The following GHR variants were observed in gnomAD, a reference collection of about 807,000 sequenced individuals.
GHR encodes GH receptor.
Under a neutral mutation model 67.1 loss-of-function variants are expected in GHR, and 35 were observed. The ratio of observed to expected loss-of-function variants is 0.52; its 90% confidence interval spans 0.40 to 0.69. GHR has a LOEUF of 0.69. Among genes scored for constraint, GHR ranks in the 30% least tolerant of loss-of-function variants. The pLI, the probability that GHR is intolerant of heterozygous loss-of-function variation, is 0.00. For missense variants in GHR, 792 were observed against 764.6 expected, an observed-to-expected ratio of 1.04 and a Z score of -0.42; for synonymous variants, 272 against 269.1, an observed-to-expected ratio of 1.01 and a Z score of -0.10.
At chr5:42,486,291 T>C (rs973385239) in intron 1 of GHR, among the ~76,000 whole-genome samples, 1 of 152,224 alleles carries the variant, frequency 6.6e-6, no homozygotes, top group Non-Finnish European at 1.5e-5. Flanking sequence ...CGAGCTTTTA[T>C]CCCATCTCAT....
intron 2 of GHR, among the ~76,000 whole-genome samples, chr5:42,577,408 T>C (rs1228188588): frequency 6.6e-6 from 1 of 152,196 alleles, no homozygotes; most frequent in African/African-American, 2.4e-5. Flanking sequence ...CTCCATTATA[T>C]CTACTTAGGA....
At chr5:42,567,616 T>G (rs1426454669) in intron 2 of GHR, among the ~76,000 whole-genome samples, 1 of 152,202 alleles carries the variant, frequency 6.6e-6, no homozygotes, top group African/African-American at 2.4e-5. Flanking sequence ...TTTTTTGTCT[T>G]ATTGAACTAA....
intron 2 of GHR, among the ~76,000 whole-genome samples, chr5:42,603,194 G>C (rs1421686289): frequency 6.6e-6 from 1 of 151,964 alleles, no homozygotes; most frequent in Middle Eastern, 3.4e-3. Context: ...CTCCCTTCAG[G>C]CCTGCAAGGT....
chr5:42,425,384 T>C (rs1047392134), intron 1 of GHR, among the ~76,000 whole-genome samples: 4 of 152,188 alleles, frequency 2.6e-5, no homozygotes, highest in African/African-American at 9.6e-5. Context: ...ACATGGGATA[T>C]TGTGGCAGGT....
intron 1 of GHR, among the ~76,000 whole-genome samples, chr5:42,480,766 T>C (rs966639804): frequency 6.6e-6 from 1 of 152,210 alleles, no homozygotes; most frequent in Non-Finnish European, 1.5e-5. Flanking sequence ...CCCTTTATTT[T>C]GAGCCTATGT....
At chr5:42,479,928 G>T (rs1486237634) in intron 1 of GHR, among the ~76,000 whole-genome samples, 1 of 151,838 alleles carries the variant, frequency 6.6e-6, no homozygotes, top group Non-Finnish European at 1.5e-5. Context: ...CCTTCTGCTA[G>T]CTTTTGAATA....
At chr5:42,470,317 G>A (rs1039163797) in intron 1 of GHR, among the ~76,000 whole-genome samples, 7 of 147,124 alleles carry the variant, frequency 4.8e-5, no homozygotes, top group African/African-American at 1.3e-4. Context: ...ACACACACAC[G>A]CACATATATA....
chr5:42,578,355 C>T (rs1371558471), intron 2 of GHR, among the ~76,000 whole-genome samples: 2 of 152,152 alleles, frequency 1.3e-5, no homozygotes, highest in African/African-American at 4.8e-5. Context: ...AAAACTAATA[C>T]ATATAGTTAC....
At chr5:42,686,408 A>G (rs1757146180) in intron 3 of GHR, among the ~76,000 whole-genome samples, 1 of 152,202 alleles carries the variant, frequency 6.6e-6, no homozygotes, top group Non-Finnish European at 1.5e-5. Context: ...TCCCTGATGA[A>G]CACTGATGCA....
chr5:42,551,785 T>C (rs1003437734), intron 1 of GHR, among the ~76,000 whole-genome samples: 6 of 152,206 alleles, frequency 3.9e-5, no homozygotes, highest in South Asian at 2.1e-4. Context: ...TTTGGTTCTT[T>C]AGCATTTTGA....
At chr5:42,699,632 A>G (rs953801304) in intron 5 of GHR, among the ~76,000 whole-genome samples, 192 bp from the exon 6 acceptor site, 9 of 152,154 alleles carry the variant, frequency 5.9e-5, no homozygotes, top group African/African-American at 2.2e-4. Flanking sequence ...GAAGTTAAAA[A>G]CAAGTCATCC....
chr5:42,456,611 A>G (rs369282683), intron 1 of GHR, among the ~76,000 whole-genome samples: 1 of 152,246 alleles, frequency 6.6e-6, no homozygotes, highest in African/African-American at 2.4e-5. Flanking sequence ...AAATTAAACA[A>G]AGTAAACGAG....
At chr5:42,523,522 T>C (rs572536634) in intron 1 of GHR, among the ~76,000 whole-genome samples, 27 of 152,278 alleles carry the variant, frequency 1.8e-4, no homozygotes, top group African/African-American at 6.5e-4. Context: ...TATTATTATG[T>C]TGTTTTGGCA....
intron 2 of GHR, among the ~76,000 whole-genome samples, chr5:42,602,581 T>A (rs1039172159): frequency 2.0e-5 from 3 of 152,218 alleles, no homozygotes; most frequent in Non-Finnish European, 2.9e-5. Context: ...TGTTTATAAT[T>A]CTTTTTTCTC....
In GHR at chr5:42,663,946, C is replaced by A. The variant is rs1161331277; in HGVS notation, c.137-24944C>A. 2.1e-4 allele frequency among the ~76,000 whole-genome samples: 32 copies of A among 152,188 alleles called. 1 individual carries two copies. In the East Asian group the frequency reaches 6.2e-3, roughly 29 times the overall value. On this transcript the variant is annotated intron_variant, in intron 3 of 9. Coordinates refer to ENST00000230882, the MANE Select transcript of GHR (RefSeq NM_000163.5). ...AAAAATCACAAGCATTCTTATACAC[C>A]AATAACAGACAAACAGAGCCAAATC...
chr5:42,562,462 G>A (rs985698206), intron 1 of GHR, among the ~76,000 whole-genome samples: 1 of 151,908 alleles, frequency 6.6e-6, no homozygotes. Flanking sequence ...TGTTCCAGGC[G>A]GCAGTGAACT....
At chr5:42,533,605 G>A (rs555659316) in intron 1 of GHR, among the ~76,000 whole-genome samples, 5 of 151,178 alleles carry the variant, frequency 3.3e-5, no homozygotes, top group South Asian at 2.1e-4. Flanking sequence ...TGTTTCACCC[G>A]GAATTTTTTA....
intron 1 of GHR, among the ~76,000 whole-genome samples, chr5:42,545,950 A>G (rs1205242302): frequency 6.6e-6 from 1 of 152,212 alleles, no homozygotes; most frequent in African/African-American, 2.4e-5. Context: ...GGGCCTTAAT[A>G]ATTCCCCCAA....
intron 1 of GHR, among the ~76,000 whole-genome samples, chr5:42,552,550 T>G (rs1035591909): frequency 9.2e-5 from 14 of 152,204 alleles, no homozygotes; most frequent in Non-Finnish European, 1.8e-4. Context: ...ATAAATAAAT[T>G]GTATCAGTTG....
Sources: allele counts gnomAD v4.1 joint callset (sites outside exome capture counted in the v4.1 genomes callset), GRCh38; gene constraint gnomAD v4.1.1; transcripts MANE v1.5; gene names NCBI Gene and HGNC (gene_info 2026-07-23, HGNC 2026-07-21).